Variants in ARMC2 observed in about 807,000 individuals in gnomAD.
The protein encoded by ARMC2 is armadillo repeat containing 2.
ARMC2 carries 67 observed loss-of-function variants against 90.3 expected under a neutral mutation model. That is an observed-to-expected ratio of 0.74 (90% CI 0.61 to 0.91). ARMC2 has a LOEUF of 0.91. ARMC2 is among the 40% of genes least tolerant of loss of function. The pLI, the probability that ARMC2 is intolerant of heterozygous loss-of-function variation, is 0.00. For missense variants in ARMC2, 920 were observed against 1,030.9 expected, an observed-to-expected ratio of 0.89 and a Z score of 1.47; for synonymous variants, 393 against 393.0, an observed-to-expected ratio of 1.00 and a Z score of 0.00.
At chr6:108,873,798 C>G (rs1287657413) in intron 4 of ARMC2, among the ~76,000 whole-genome samples, 1 of 152,160 alleles carries the variant, frequency 6.6e-6, no homozygotes. Flanking sequence ...CTTTCTCTGA[C>G]CAACTCCCAA....
the ARMC2 span, among the ~76,000 whole-genome samples, chr6:109,051,618 T>C: frequency 6.6e-6 from 1 of 152,244 alleles, no homozygotes; most frequent in African/African-American, 2.4e-5. Context: ...TTTCTTTTTT[T>C]CTGTAATTGA....
At chr6:108,992,696 G>A in the ARMC2 span, 9 of 799,670 alleles carry the variant, frequency 1.1e-5, no homozygotes, top group African/African-American at 3.4e-5. Flanking sequence ...AAAGCACTTA[G>A]CATAGTTCTC....
chr6:109,001,582 A>C, the ARMC2 span: 5 of 1,099,686 alleles, frequency 4.5e-6, no homozygotes, highest in East Asian at 1.3e-4. Flanking sequence ...ATCATTTAGA[A>C]GCAGATTAAA....
intron 12 of ARMC2, among the ~76,000 whole-genome samples, chr6:108,943,199 T>C (rs1037197417): frequency 6.6e-6 from 1 of 152,212 alleles, no homozygotes; most frequent in Non-Finnish European, 1.5e-5. Flanking sequence ...TATTTTTACA[T>C]TCTTTTTCTC....
intron 13 of ARMC2, among the ~76,000 whole-genome samples, chr6:108,955,244 C>T (rs1777490694): frequency 6.6e-6 from 1 of 152,054 alleles, no homozygotes; most frequent in Non-Finnish European, 1.5e-5. Flanking sequence ...AGGAATTCGG[C>T]CTATATGGTG....
At chr6:108,938,172 G>A (rs13195372) in intron 12 of ARMC2, among the ~76,000 whole-genome samples, 56,119 of 151,974 alleles carry the variant, frequency 0.37, 10,807 homozygotes, top group East Asian at 0.59. Context: ...AGTAAGTTTT[G>A]CGAGTTTATG....
chr6:109,008,915 G>A, the ARMC2 span: 1 of 987,938 alleles, frequency 1.0e-6, no homozygotes, highest in Non-Finnish European at 1.2e-6. Flanking sequence ...AGGAGGCAAA[G>A]GGGATGAAGG....
chr6:108,894,869 C>G (rs1310201949), intron 6 of ARMC2, among the ~76,000 whole-genome samples: 1 of 149,030 alleles, frequency 6.7e-6, no homozygotes, highest in East Asian at 2.0e-4. Context: ...CAGGTTCATG[C>G]CATTCTCCTG....
At chr6:108,869,768 A>G (rs770035577) in intron 4 of ARMC2, among the ~76,000 whole-genome samples, 1 of 152,150 alleles carries the variant, frequency 6.6e-6, no homozygotes, top group Non-Finnish European at 1.5e-5. Flanking sequence ...CTGGGAACAG[A>G]GAGGCTAAAG....
intron 6 of ARMC2, among the ~76,000 whole-genome samples, chr6:108,896,033 A>G (rs1432400446): frequency 2.0e-5 from 3 of 152,228 alleles, no homozygotes; most frequent in Non-Finnish European, 2.9e-5. Context: ...GATTTTAAAA[A>G]TTCTTATCTT....
chr6:108,907,473 T>TG, intron 8 of ARMC2: 1 of 512,574 alleles, frequency 2.0e-6, no homozygotes. Context: ...TTTTTTTTTT[T>TG]TTTTACCAGT....
chr6:108,877,939 AG>A (rs1220620606), intron 5 of ARMC2, among the ~76,000 whole-genome samples: 1 of 152,214 alleles, frequency 6.6e-6, no homozygotes. Context: ...GTGTTTTGTT[AG>A]GACGGCTTTT....
chr6:108,974,703 C>T (rs1325235166), downstream of ARMC2, among the ~76,000 whole-genome samples: 2 of 152,010 alleles, frequency 1.3e-5, no homozygotes, highest in Non-Finnish European at 1.5e-5. Flanking sequence ...ATAAACAGCT[C>T]ATTTCTCACC....
chr6:108,876,111 T>G (rs370532452), intron 4 of ARMC2, 32 bp from the exon 5 acceptor site: 2 of 1,525,354 alleles, frequency 1.3e-6, no homozygotes, highest in Non-Finnish European at 1.8e-6. Flanking sequence ...ATAAGAATAC[T>G]TCAACAAAAT....
intron 12 of ARMC2, among the ~76,000 whole-genome samples, chr6:108,952,470 G>T (rs1049474154): frequency 6.6e-6 from 1 of 152,166 alleles, no homozygotes; most frequent in African/African-American, 2.4e-5. Flanking sequence ...TCCACAGGGG[G>T]CAATTTTGGC....
At chr6:109,052,866 T>C in the ARMC2 span, among the ~76,000 whole-genome samples, 7 of 152,312 alleles carry the variant, frequency 4.6e-5, no homozygotes, top group African/African-American at 1.7e-4. Flanking sequence ...CCAGACTAAG[T>C]ACTGAGAATA....
chr6:109,031,973 T>A, the ARMC2 span, among the ~76,000 whole-genome samples: 1 of 152,210 alleles, frequency 6.6e-6, no homozygotes, highest in East Asian at 1.9e-4. Context: ...ATCTTGAAGG[T>A]AATTTAATAT....
intron 10 of ARMC2, among the ~76,000 whole-genome samples, chr6:108,923,457 A>C (rs774558587): frequency 1.3e-5 from 2 of 151,330 alleles, no homozygotes; most frequent in Non-Finnish European, 2.9e-5. Context: ...TAATTTTCAC[A>C]GATTTATCTC....
chr6:108,973,470 A>C lies in ARMC2; in HGVS notation c.2560A>C (p.Arg854=). The C allele has an allele frequency of 6.2e-7, 1 of 1,613,842 alleles. No homozygotes were observed. The highest frequency in any genetic ancestry group is 8.5e-7 in the Non-Finnish European group (1 of 1,179,788). ...VAQQLLNRIQ[R]HHTFLEPLPI... is the part of the protein sequence containing the mutation. Reference sequence around the variant, plus strand: ...ACAGCAGCTTCTAAACCGAATTCAGAGACATCACACCTTCCTGGAACCCCT... The same window carrying C: ...ACAGCAGCTTCTAAACCGAATTCAGCGACATCACACCTTCCTGGAACCCCT... Residue 854 remains arginine (R), a synonymous_variant, in exon 18 of 18, where the codon AGA becomes CGA. Coordinates refer to ENST00000392644, the MANE Select transcript of ARMC2 (RefSeq NM_032131.6).
Sources: allele counts gnomAD v4.1 joint callset (sites outside exome capture counted in the v4.1 genomes callset), GRCh38; gene constraint gnomAD v4.1.1; transcripts MANE v1.5; gene names NCBI Gene and HGNC (gene_info 2026-07-23, HGNC 2026-07-21).